The following DLG2 variants were observed in gnomAD, a reference collection of about 807,000 sequenced individuals.
DLG2 encodes the protein discs large MAGUK scaffold protein 2.
Under a neutral mutation model 132.5 loss-of-function variants are expected in DLG2, and 45 were observed. The ratio of observed to expected loss-of-function variants is 0.34; its 90% CI spans 0.27 to 0.44. The LOEUF is 0.44. DLG2 is among the 20% of genes least tolerant of loss of function. The pLI is 1.00. For missense variants in DLG2, 1,045 were observed against 1,196.9 expected, an observed-to-expected ratio of 0.87 and a Z score of 1.87; for synonymous variants, 424 against 419.6, an observed-to-expected ratio of 1.01 and a Z score of -0.13.
chr11:85,499,539 C>T (rs1341646933), intron 3 of DLG2, among the ~76,000 whole-genome samples: 1 of 152,196 alleles, frequency 6.6e-6, no homozygotes, highest in African/African-American at 2.4e-5. Context: ...GGTACCATTC[C>T]TTCTGAAACT....
intron 19 of DLG2, among the ~76,000 whole-genome samples, chr11:83,587,775 T>C (rs1239973963): frequency 6.6e-6 from 1 of 152,104 alleles, no homozygotes; most frequent in Admixed American, 6.5e-5. Context: ...CGCAGGTCAG[T>C]GGGTGCGCGC....
At chr11:83,672,177 CTTCT>C (rs1005015364) in intron 18 of DLG2, among the ~76,000 whole-genome samples, 12 of 151,484 alleles carry the variant, frequency 7.9e-5, no homozygotes, top group African/African-American at 2.4e-4. Flanking sequence ...CTTTCTTCCC[CTTCT>C]TTCTTTCTTT....
chr11:84,289,641 T>G (rs1012458046), intron 7 of DLG2, among the ~76,000 whole-genome samples: 2 of 152,116 alleles, frequency 1.3e-5, no homozygotes, highest in Non-Finnish European at 2.9e-5. Context: ...AGCTACAGTC[T>G]AACCTCCTGA....
intron 6 of DLG2, among the ~76,000 whole-genome samples, chr11:84,728,724 CT>C (rs528512818): frequency 6.6e-6 from 1 of 152,014 alleles, no homozygotes; most frequent in African/African-American, 2.4e-5. Context: ...TGGTCTTGGA[CT>C]TTTTTTGGTT....
intron 2 of DLG2, among the ~76,000 whole-genome samples, chr11:85,601,660 T>C (rs1460358734): frequency 1.3e-5 from 2 of 152,144 alleles, no homozygotes; most frequent in Non-Finnish European, 2.9e-5. Flanking sequence ...GAAATGGCTG[T>C]ATTGTCTTGC....
intron 19 of DLG2, among the ~76,000 whole-genome samples, chr11:83,580,736 C>A (rs1440834049): frequency 6.6e-6 from 1 of 152,062 alleles, no homozygotes; most frequent in Non-Finnish European, 1.5e-5. Context: ...CATAAACCTG[C>A]ACCCTGGTTT....
At chr11:84,327,513 T>G (rs1380842734) in intron 7 of DLG2, among the ~76,000 whole-genome samples, 1 of 152,208 alleles carries the variant, frequency 6.6e-6, no homozygotes, top group Admixed American at 6.5e-5. Flanking sequence ...TAGTTTTCTG[T>G]TTTGAATCTT....
intron 4 of DLG2, among the ~76,000 whole-genome samples, chr11:85,231,473 C>A (rs1050248206): frequency 6.6e-6 from 1 of 151,900 alleles, no homozygotes; most frequent in Non-Finnish European, 1.5e-5. Context: ...CCATCTTTTC[C>A]TTTACATTAT....
intron 5 of DLG2, among the ~76,000 whole-genome samples, chr11:85,133,835 C>G (rs1387161805): frequency 6.6e-6 from 1 of 152,130 alleles, no homozygotes; most frequent in Non-Finnish European, 1.5e-5. Flanking sequence ...CTCTCCCCTC[C>G]CCCAAATCCC....
chr11:83,828,474 A>C (rs2053526401), intron 17 of DLG2, among the ~76,000 whole-genome samples: 1 of 152,258 alleles, frequency 6.6e-6, no homozygotes, highest in Non-Finnish European at 1.5e-5. Context: ...TTTGGTGGTC[A>C]AAATGTTTTT....
At chr11:83,878,275 C>CCCT (rs2154071417) in intron 15 of DLG2, among the ~76,000 whole-genome samples, 1 of 152,264 alleles carries the variant, frequency 6.6e-6, no homozygotes, top group South Asian at 2.1e-4. Context: ...ACACAAAAGA[C>CCCT]CCTTCATCAA....
intron 4 of DLG2, among the ~76,000 whole-genome samples, chr11:85,191,573 G>T (rs2080579057): frequency 6.6e-6 from 1 of 152,170 alleles, no homozygotes; most frequent in African/African-American, 2.4e-5. Flanking sequence ...AATTTTCAGG[G>T]TATGGCAATG....
chr11:83,956,081 C>A (rs192716439), intron 14 of DLG2, among the ~76,000 whole-genome samples: 1 of 152,164 alleles, frequency 6.6e-6, no homozygotes, highest in African/African-American at 2.4e-5. Flanking sequence ...TCCAGCGAAC[C>A]CTGACTACAG....
intron 4 of DLG2, among the ~76,000 whole-genome samples, chr11:85,172,598 G>A (rs1228814890): frequency 6.6e-6 from 1 of 152,178 alleles, no homozygotes; most frequent in Non-Finnish European, 1.5e-5. Flanking sequence ...CAAGGGCACA[G>A]AACTGGGCTG....
chr11:85,608,160 G>A (rs1013299692), intron 2 of DLG2, among the ~76,000 whole-genome samples: 3 of 152,090 alleles, frequency 2.0e-5, no homozygotes, highest in Admixed American at 1.3e-4. Flanking sequence ...AGGGACCGTT[G>A]TGGGTTCTTG....
chr11:85,073,369 A>G (rs2066125237), intron 6 of DLG2, among the ~76,000 whole-genome samples: 2 of 151,902 alleles, frequency 1.3e-5, no homozygotes, highest in South Asian at 4.1e-4. Flanking sequence ...GTGGCTGAAT[A>G]ACCTTTTAAC....
At chr11:83,887,851 C>T (rs1425138740) in intron 15 of DLG2, among the ~76,000 whole-genome samples, 1 of 144,578 alleles carries the variant, frequency 6.9e-6, no homozygotes, top group African/African-American at 2.6e-5. Context: ...ACAAAAACCA[C>T]AGGATTATCT....
chr11:85,408,871 C>T (rs983995006), intron 3 of DLG2, among the ~76,000 whole-genome samples: 3 of 151,660 alleles, frequency 2.0e-5, no homozygotes, highest in African/African-American at 7.3e-5. Context: ...GTGCATGTGT[C>T]TTTATAGCAG....
chr11:83,699,149 A>G (rs2082423369), intron 18 of DLG2, among the ~76,000 whole-genome samples: 2 of 152,358 alleles, frequency 1.3e-5, no homozygotes, highest in Admixed American at 1.3e-4. Context: ...ATAAAGGCAG[A>G]TAGGAGCATA....
Sources: allele counts gnomAD v4.1 joint callset (sites outside exome capture counted in the v4.1 genomes callset), GRCh38; gene constraint gnomAD v4.1.1; transcripts MANE v1.5; gene names NCBI Gene and HGNC (gene_info 2026-07-23, HGNC 2026-07-21).